Variants in COL14A1 observed in about 807,000 individuals in gnomAD.
COL14A1 encodes the protein collagen alpha-1(XIV) chain.
In COL14A1, 136 loss-of-function variants were observed where a neutral mutation model predicts 230.3. That is an observed-to-expected ratio of 0.59 (90% confidence interval 0.51 to 0.68). The LOEUF (loss-of-function observed/expected upper bound fraction) is 0.68. Ranked by LOEUF, COL14A1 falls within the 30% of genes least tolerant of loss-of-function variation. The pLI is 0.00. For synonymous variants in COL14A1, 792 were observed against 784.1 expected (o/e 1.01, Z -0.17); for missense variants, 1,976 against 2,215.8 (o/e 0.89, Z 2.17).
At chr8:120,170,313 G>A (rs1816056121) in intron 5 of COL14A1, among the ~76,000 whole-genome samples, 1 of 151,686 alleles carries the variant, frequency 6.6e-6, no homozygotes, top group Non-Finnish European at 1.5e-5. Context: ...TACTGCTTGA[G>A]CTGTCTCACA....
At chr8:120,217,313 T>A (rs1287731505) in intron 14 of COL14A1, among the ~76,000 whole-genome samples, 1 of 152,184 alleles carries the variant, frequency 6.6e-6, no homozygotes, top group Non-Finnish European at 1.5e-5. Flanking sequence ...TTAAAACCCA[T>A]GAAGATACAG....
At chr8:120,357,283 G>A (rs1313727296) in intron 45 of COL14A1, among the ~76,000 whole-genome samples, 1 of 152,140 alleles carries the variant, frequency 6.6e-6, no homozygotes, top group East Asian at 1.9e-4. Context: ...GCCATCACAG[G>A]ACTGTTGGCA....
intron 19 of COL14A1, among the ~76,000 whole-genome samples, chr8:120,236,965 TAG>T (rs1385120426): frequency 6.6e-6 from 1 of 152,216 alleles, no homozygotes; most frequent in Non-Finnish European, 1.5e-5. Context: ...TTCTGGCTTG[TAG>T]AGTTTCTGCA....
At chr8:120,242,067 T>TGTA (rs1818623036) in intron 19 of COL14A1, among the ~76,000 whole-genome samples, 1 of 152,228 alleles carries the variant, frequency 6.6e-6, no homozygotes, top group African/African-American at 2.4e-5. Flanking sequence ...TAAAATTACC[T>TGTA]TCAGATTATG....
intron 7 of COL14A1, 81 bp downstream of exon 7, chr8:120,198,011 C>A: frequency 7.3e-7 from 1 of 1,369,398 alleles, no homozygotes; most frequent in Non-Finnish European, 1.0e-6. Context: ...ACTTTGTAAG[C>A]GTTATCATAA....
intron 1 of COL14A1, among the ~76,000 whole-genome samples, chr8:120,144,324 T>A (rs1459121318): frequency 6.6e-6 from 1 of 152,168 alleles, no homozygotes; most frequent in African/African-American, 2.4e-5. Flanking sequence ...GCCATTATAA[T>A]TACATTAATG....
intron 45 of COL14A1, among the ~76,000 whole-genome samples, chr8:120,353,730 G>A (rs1389078759): frequency 1.3e-5 from 2 of 150,440 alleles, no homozygotes; most frequent in African/African-American, 4.9e-5. Flanking sequence ...TCATTAAAAA[G>A]TCAGGAAACA....
chr8:120,300,852 T>C, intron 36 of COL14A1, 34 bp downstream of exon 36: 1 of 1,454,224 alleles, frequency 6.9e-7, no homozygotes, highest in Non-Finnish European at 9.6e-7. Flanking sequence ...TAAATTTTCT[T>C]TAATAATATT....
At chr8:120,185,504 AC>A (rs1816623278) in intron 5 of COL14A1, among the ~76,000 whole-genome samples, 2 of 152,076 alleles carry the variant, frequency 1.3e-5, no homozygotes, top group African/African-American at 4.8e-5. Flanking sequence ...AAATTAAAAA[AC>A]AAACAAACAA....
chr8:120,172,120 A>T (rs1216533237), intron 5 of COL14A1, among the ~76,000 whole-genome samples: 1 of 151,866 alleles, frequency 6.6e-6, no homozygotes, highest in East Asian at 1.9e-4. Flanking sequence ...TAATTCTATT[A>T]TTAAAGTATT....
At chr8:120,226,551 A>G in intron 15 of COL14A1, 76 bp from the exon 16 acceptor site, 2 of 1,500,466 alleles carry the variant, frequency 1.3e-6, no homozygotes, top group Non-Finnish European at 1.8e-6. Flanking sequence ...AGTCTTCTAC[A>G]CCCCTGGGAG....
At chr8:120,285,792 T>G in intron 32 of COL14A1, 69 bp from the exon 33 acceptor site, 1 of 1,001,010 alleles carries the variant, frequency 1.0e-6, no homozygotes. Context: ...TTGTTTTGAG[T>G]TGAATTTTAG....
At chr8:120,158,937 A>G (rs1435846999) in intron 3 of COL14A1, among the ~76,000 whole-genome samples, 1 of 152,200 alleles carries the variant, frequency 6.6e-6, no homozygotes, top group Non-Finnish European at 1.5e-5. Flanking sequence ...TGCCTCTGCT[A>G]CATGGTTGTT....
At chr8:120,254,859 G>A (rs1819091356) in intron 22 of COL14A1, among the ~76,000 whole-genome samples, 1 of 151,666 alleles carries the variant, frequency 6.6e-6, no homozygotes. Context: ...GCATGTGGTG[G>A]CACATGCCTG....
chr8:120,364,147 A>T (rs1011561868), intron 45 of COL14A1, among the ~76,000 whole-genome samples: 1 of 151,988 alleles, frequency 6.6e-6, no homozygotes, highest in African/African-American at 2.4e-5. Flanking sequence ...AGCACTGGTG[A>T]CCCCATCTCA....
intron 44 of COL14A1, among the ~76,000 whole-genome samples, chr8:120,342,967 C>G (rs1822362083): frequency 6.6e-6 from 1 of 152,238 alleles, no homozygotes; most frequent in Non-Finnish European, 1.5e-5. Flanking sequence ...TACAAACACA[C>G]ACATGAACAG....
At chr8:120,139,388 G>T (rs997331538) in intron 1 of COL14A1, among the ~76,000 whole-genome samples, 3 of 152,130 alleles carry the variant, frequency 2.0e-5, no homozygotes, top group Non-Finnish European at 4.4e-5. Context: ...TTTCAAACCT[G>T]TATAGAGCTA....
chr8:120,367,120 G>A, intron 45 of COL14A1, 51 bp from the exon 46 acceptor site: 1 of 1,449,650 alleles, frequency 6.9e-7, no homozygotes, highest in African/African-American at 1.4e-5. Flanking sequence ...GAACTACCAA[G>A]ATTTTCTTTT....
chr8:120,370,518 T>G (rs1272139125), intron 47 of COL14A1: 33 of 1,486,842 alleles, frequency 2.2e-5, no homozygotes, highest in East Asian at 7.4e-5. Context: ...CTTCCCACTT[T>G]CAAACCTCTT....
Sources: gnomAD v4.1 joint callset for allele counts (sites outside exome capture counted in the v4.1 genomes callset) on GRCh38, gnomAD v4.1.1 for gene constraint, MANE v1.5 for transcripts, NCBI Gene and HGNC (gene_info 2026-07-23, HGNC 2026-07-21) for gene names.